The following ARID4B variants were observed in gnomAD, a reference collection of about 807,000 sequenced individuals.
ARID4B encodes AT-rich interaction domain 4B, also known as AT-rich interactive domain-containing protein 4B.
Under a neutral mutation model 147.5 loss-of-function variants are expected in ARID4B, and 26 were observed. The observed-to-expected ratio is 0.18, with a 90% CI of 0.13 to 0.24. The LOEUF is 0.24. ARID4B is among the 10% of genes least tolerant of loss of function. The pLI, the probability that ARID4B is intolerant of heterozygous loss-of-function variation, is 1.00. For missense variants in ARID4B, 1,179 were observed against 1,511.5 expected (o/e 0.78, Z 3.65); for synonymous variants, 512 against 507.9 (o/e 1.01, Z -0.11).
chr1:235,173,798 ATATATATATATATATG>A (rs1399478147), intron 22 of ARID4B, among the ~76,000 whole-genome samples: 259 of 80,420 alleles, frequency 3.2e-3, no homozygotes, highest in African/African-American at 6.1e-3. Flanking sequence ...ATATATATAT[ATATATATATATATATG>A]TATACCTAAA....
At chr1:235,245,675 CT>C (rs1201153133) in intron 7 of ARID4B, among the ~76,000 whole-genome samples, 1 of 152,160 alleles carries the variant, frequency 6.6e-6, no homozygotes, top group East Asian at 1.9e-4. Context: ...ATAAATGAAA[CT>C]GTTACATACT....
Position 235,229,250 on chromosome 1 carries a change from T to C in ARID4B, c.878A>G (p.Asp293Gly), listed in dbSNP as rs35560967. Residue 293 changes from aspartate (D) to glycine (G), a missense_variant, in exon 11 of 24, where the codon GAT becomes GGT. Asp to Gly is a moderately conservative substitution (Grantham distance 94). Coordinates refer to ENST00000264183, the MANE Select transcript of ARID4B (RefSeq NM_016374.6). The part of the protein sequence containing the change: ...EEEDDEKEKE[D>G]NSSEEEEEIE... ...ACTTACTTCTTCTTCACTGCTATTA[T>C]CCTCCTTTTCTTTTTCATCATCTTC... is the stretch of plus-strand genomic sequence containing the variant. 1.8e-3 allele frequency: 2,937 copies of C among 1,611,406 alleles called. 15 individuals are homozygous for C. The highest frequency in any genetic ancestry group is 7.4e-3 in the South Asian group (670 of 90,880).
rs779327307 is a variant in ARID4B at position 235,168,479 on chromosome 1, G to A, written c.*46C>T. ...CACTGTGCAGTATAAAAAAAAAGTG[G>A]CCCTCAACAGCCATTAAGTGCAAAG... On this transcript the variant is annotated 3_prime_UTR_variant, in exon 24 of 24. Coordinates refer to ENST00000264183, the MANE Select transcript of ARID4B (RefSeq NM_016374.6). 6.3e-7 allele frequency: 1 copy of A among 1,598,682 alleles called. No homozygotes were observed.
Position 235,220,289 on chromosome 1 carries a change from A to G in ARID4B, c.1407+13T>C, listed in dbSNP as rs1261058660. On this transcript the variant is annotated intron_variant, in intron 15 of 23. Coordinates refer to ENST00000264183, the MANE Select transcript of ARID4B (RefSeq NM_016374.6). ...CAAAGAAAGCAAAAGACAATTAACAATATCTGATTTACCAGAGAGGGCTTA... is the reference window on the plus strand; with the variant it reads ...CAAAGAAAGCAAAAGACAATTAACAGTATCTGATTTACCAGAGAGGGCTTA... The G allele has an allele frequency of 2.5e-6, 4 of 1,583,068 alleles. No individual in the cohort carries two copies. Among genetic ancestry groups the G allele is most frequent in the South Asian group, 2.4e-5 (2 of 85,036 alleles).
intron 11 of ARID4B, among the ~76,000 whole-genome samples, chr1:235,225,207 T>A (rs1383363462): frequency 2.0e-5 from 3 of 152,198 alleles, no homozygotes; most frequent in Non-Finnish European, 2.9e-5. Flanking sequence ...CAAGGTACTA[T>A]AAAAGTATGG....
intron 2 of ARID4B, among the ~76,000 whole-genome samples, chr1:235,274,021 T>G (rs559218425): frequency 2.0e-5 from 3 of 152,162 alleles, no homozygotes; most frequent in Non-Finnish European, 2.9e-5. Context: ...TAAAAAGTAA[T>G]TGCAGAAACT....
rs559532726 is a variant in ARID4B, at chr1:235,214,018, G to A, written c.1592C>T (p.Thr531Met). 29 of 1,595,808 alleles carry A rather than the reference G, an allele frequency of 1.8e-5. No individual in the cohort carries two copies. In the African/African-American group the frequency reaches 2.4e-4, roughly 13 times the overall value. The change falls in exon 17 of 24, where the codon ACG becomes ATG. Residue 531 changes from threonine (T) to methionine (M), a missense_variant. Physicochemically the swap from Thr to Met is moderately conservative, Grantham distance 81 (BLOSUM62 -1). Coordinates refer to ENST00000264183, the MANE Select transcript of ARID4B (RefSeq NM_016374.6). ...EEEKAKSGDE[T>M]NKEEDEDDEE... The stretch of plus-strand genomic sequence containing the variant: ...ATCATCTTCATCTTCTTCTTTATTC[G>A]TTTCATCTCTTGAAAGGTTTAAAAA...
intron 17 of ARID4B, among the ~76,000 whole-genome samples, chr1:235,212,420 T>A (rs920153316): frequency 1.8e-4 from 28 of 152,204 alleles, no homozygotes; most frequent in African/African-American, 6.8e-4. Context: ...TGATTAGACA[T>A]AATAAAGAAT....
At chr1:235,320,110 A>G (rs1674718772) in intron 2 of ARID4B, among the ~76,000 whole-genome samples, 1 of 149,058 alleles carries the variant, frequency 6.7e-6, no homozygotes, top group African/African-American at 2.5e-5. Flanking sequence ...CTGGGTAACG[A>G]GCGAAACTCC....
chr1:235,220,283 T>C lies in ARID4B; in HGVS notation c.1407+19A>G. ...ATATACCAAAGAAAGCAAAAGACAA[T>C]TAACAATATCTGATTTACCAGAGAG... On this transcript the variant is annotated intron_variant, in intron 15 of 23. Coordinates refer to ENST00000264183, the MANE Select transcript of ARID4B (RefSeq NM_016374.6). The C allele has an allele frequency of 6.3e-7, 1 of 1,575,424 alleles. No individual in the cohort carries two copies. The highest frequency in any genetic ancestry group is 8.6e-7 in the Non-Finnish European group (1 of 1,165,120).
chr1:235,243,842 C>T (rs375196011), intron 7 of ARID4B, among the ~76,000 whole-genome samples: 4 of 152,024 alleles, frequency 2.6e-5, no homozygotes, highest in African/African-American at 9.7e-5. Flanking sequence ...AACCTATGTA[C>T]GCTTAACTAT....
chr1:235,250,110 A>AAAT (rs944963122), intron 6 of ARID4B, among the ~76,000 whole-genome samples: 14 of 151,738 alleles, frequency 9.2e-5, no homozygotes, highest in East Asian at 3.9e-4. Context: ...CCGTCTCAAA[A>AAAT]AATAATAATA....
chr1:235,236,864 T>TATATGTGTATATATATA (rs1328290921), intron 8 of ARID4B, among the ~76,000 whole-genome samples: 1 of 20,992 alleles, frequency 4.8e-5, no homozygotes, highest in African/African-American at 2.5e-4. Flanking sequence ...ATATATATAT[T>TATATGTGTATATATATA]TTTTTTTTTT....
At chr1:235,267,338 G>A (rs578167513) in intron 2 of ARID4B, among the ~76,000 whole-genome samples, 41 of 152,044 alleles carry the variant, frequency 2.7e-4, no homozygotes, top group Non-Finnish European at 5.4e-4. Flanking sequence ...CACAAACCAC[G>A]TGACAATAAA....
At chr1:235,230,793 T>C (rs1668168190) in intron 10 of ARID4B, among the ~76,000 whole-genome samples, 1 of 151,274 alleles carries the variant, frequency 6.6e-6, no homozygotes, top group Non-Finnish European at 1.5e-5. Context: ...CATGGCGGCG[T>C]GTGCCTGTAG....
In ARID4B at chr1:235,195,742, C is replaced by A. The variant is rs1209168071; in HGVS notation, c.1926+289G>T. Among the ~76,000 whole-genome samples, 3 of 152,112 alleles carry A rather than the reference C, an allele frequency of 2.0e-5. 1 individual carries two copies. Among genetic ancestry groups the A allele is most frequent in the Non-Finnish European group, 4.4e-5 (3 of 68,024 alleles). On this transcript the variant is annotated intron_variant, in intron 18 of 23. Coordinates refer to ENST00000264183, the MANE Select transcript of ARID4B (RefSeq NM_016374.6). ...ACCTATGTCTCTCCAAGTCACACTG[C>A]CTTATGGCTCCTGGTTGGGAACTAG...
chr1:235,277,630 G>A (rs1461396542), intron 2 of ARID4B, among the ~76,000 whole-genome samples: 1 of 115,412 alleles, frequency 8.7e-6, no homozygotes, highest in Non-Finnish European at 1.9e-5. Context: ...GTGTGTGTGT[G>A]TGTGTGTGTG....
chr1:235,180,814 A>C (rs1300498659), intron 20 of ARID4B: 1 of 152,740 alleles, frequency 6.5e-6, no homozygotes, highest in Admixed American at 6.5e-5. Context: ...TGTGTTCCAA[A>C]GCCAGGTGTC....
At chr1:235,194,343 A>G in intron 18 of ARID4B, 132 bp from the exon 19 acceptor site, 3 of 755,668 alleles carry the variant, frequency 4.0e-6, no homozygotes, top group South Asian at 3.9e-5. Context: ...GAACATAAGA[A>G]GCCCCTCAAA....
Sources: allele counts gnomAD v4.1 joint callset (sites outside exome capture counted in the v4.1 genomes callset), GRCh38; gene constraint gnomAD v4.1.1; transcripts MANE v1.5; gene names NCBI Gene and HGNC (gene_info 2026-07-23, HGNC 2026-07-21).